Variants in ACVR2A observed in about 807,000 individuals in gnomAD.
The protein encoded by ACVR2A is activin A receptor type 2A.
ACVR2A carries 7 observed loss-of-function variants against 61.4 expected under a neutral mutation model. The ratio of observed to expected loss-of-function variants is 0.11; its 90% CI spans 0.06 to 0.21. ACVR2A has a LOEUF of 0.21. ACVR2A is among the 10% of genes least tolerant of loss of function. The probability of loss-of-function intolerance (pLI) is 1.00; values close to 1 mark genes in which losing one functional copy is unlikely to be tolerated. For missense variants in ACVR2A, 322 were observed against 621.7 expected, an observed-to-expected ratio of 0.52 and a Z score of 5.13; for synonymous variants, 193 against 208.3, an observed-to-expected ratio of 0.93 and a Z score of 0.63.
chr2:147,929,604 A>G lies in ACVR2A; in HGVS notation c.*2330A>G, dbSNP rs1449470920. ...ACTTTTTATAAGCAGTAAAATAAGAATGTTCCAGTGACTACCTGTCCTTAT... is the reference window on the plus strand; with the variant it reads ...ACTTTTTATAAGCAGTAAAATAAGAGTGTTCCAGTGACTACCTGTCCTTAT... On this transcript the variant is annotated 3_prime_UTR_variant, in exon 11 of 11. Transcript: ENST00000241416. 4 of 152,420 alleles carry G rather than the reference A, an allele frequency of 2.6e-5. No homozygotes were observed. The highest frequency in any genetic ancestry group is 9.7e-5 in the African/African-American group (4 of 41,404). The allele number at this position is 152,420 out of a possible 1,614,324, so 9.4% of individuals were successfully genotyped here.
At chr2:147,894,531 T>G (rs1301573126) in intron 1 of ACVR2A, among the ~76,000 whole-genome samples, 1 of 152,090 alleles carries the variant, frequency 6.6e-6, no homozygotes, top group African/African-American at 2.4e-5. Flanking sequence ...TTGGAAAATA[T>G]TGGTTCTCTG....
At chr2:147,892,743 A>T in intron 1 of ACVR2A, among the ~76,000 whole-genome samples, 1 of 151,818 alleles carries the variant, frequency 6.6e-6, no homozygotes, top group Non-Finnish European at 1.5e-5. Flanking sequence ...TGTTATTTTG[A>T]TTGAAGCATA....
rs1305254747 is a variant in ACVR2A, at chr2:147,914,672, AC to A, written c.529-517del. Among the ~76,000 whole-genome samples the A allele has an allele frequency of 9.2e-5, 14 of 152,096 alleles. No homozygotes were observed. The East Asian group carries it at 2.7e-3, about 29-fold the overall frequency. ...CCTGTATGTGCTTTGTATTTGATAT[AC>A]CTATCTGCAATGTGTTTAAGAATGA... On this transcript the variant is annotated intron_variant, in intron 4 of 10. Coordinates refer to ENST00000241416, the MANE Select transcript of ACVR2A (RefSeq NM_001616.5).
intron 1 of ACVR2A, among the ~76,000 whole-genome samples, chr2:147,893,854 G>A (rs961131805): frequency 6.6e-6 from 1 of 152,086 alleles, no homozygotes; most frequent in Non-Finnish European, 1.5e-5. Context: ...CCTTCAAAGA[G>A]TAGAAGTTTT....
intron 4 of ACVR2A, among the ~76,000 whole-genome samples, chr2:147,907,530 C>T (rs191701308): frequency 5.9e-5 from 9 of 152,268 alleles, no homozygotes; most frequent in Non-Finnish European, 1.0e-4. Flanking sequence ...AATAATCAGC[C>T]ATTCTGACTG....
chr2:147,845,260 G>C, intron 1 of ACVR2A, 53 bp downstream of exon 1: 2 of 1,551,536 alleles, frequency 1.3e-6, no homozygotes, highest in Non-Finnish European at 1.8e-6. Context: ...CGCGGCGGCC[G>C]CTGCTGGGGG....
chr2:147,872,670 GT>G (rs973022288), intron 1 of ACVR2A, among the ~76,000 whole-genome samples: 10 of 149,866 alleles, frequency 6.7e-5, no homozygotes, highest in African/African-American at 1.7e-4. Flanking sequence ...AAATTATGAT[GT>G]TTTTTTTCTT....
intron 1 of ACVR2A, among the ~76,000 whole-genome samples, chr2:147,846,525 G>C (rs760275737): frequency 6.6e-6 from 1 of 152,078 alleles, no homozygotes; most frequent in Non-Finnish European, 1.5e-5. Flanking sequence ...TATGTCTGTA[G>C]TGGTATTGAT....
intron 5 of ACVR2A, 114 bp from the exon 6 acceptor site, chr2:147,917,167 TAA>T: frequency 8.6e-7 from 1 of 1,157,706 alleles, no homozygotes; most frequent in South Asian, 2.1e-5. Flanking sequence ...AAAAATTTTT[TAA>T]GACTTTTTTG....
At chr2:147,859,048 C>T (rs929510639) in intron 1 of ACVR2A, among the ~76,000 whole-genome samples, 7 of 151,898 alleles carry the variant, frequency 4.6e-5, no homozygotes, top group Admixed American at 2.6e-4. Context: ...AAACTTTGTT[C>T]GGGAGCATTT....
At chr2:147,844,591 T>G (rs1573905440), upstream of ACVR2A, 1 of 149,592 alleles carries the variant, frequency 6.7e-6, no homozygotes, top group Admixed American at 6.8e-5. Context: ...GGCCGCCGCC[T>G]GCACCGCCGC....
chr2:147,893,306 G>C (rs1239450530), intron 1 of ACVR2A, among the ~76,000 whole-genome samples: 1 of 152,062 alleles, frequency 6.6e-6, no homozygotes, highest in African/African-American at 2.4e-5. Flanking sequence ...AGTGTTTTTA[G>C]TTTTCAGAGA....
intron 1 of ACVR2A, among the ~76,000 whole-genome samples, chr2:147,879,604 A>G (rs1050981588): frequency 6.6e-6 from 1 of 152,234 alleles, no homozygotes; most frequent in Admixed American, 6.5e-5. Context: ...TTGATGTTCA[A>G]AGAGTGTCCA....
chr2:147,905,867 T>C (rs1230532513), intron 4 of ACVR2A, among the ~76,000 whole-genome samples: 1 of 152,152 alleles, frequency 6.6e-6, no homozygotes, highest in Non-Finnish European at 1.5e-5. Context: ...GGGGAGAAAG[T>C]AGAAAATTTA....
chr2:147,928,961 GA>G lies in ACVR2A; in HGVS notation c.*1689del, dbSNP rs1201992007. 6.6e-6 allele frequency: 1 copy of G among 152,398 alleles called. No homozygotes were observed. The highest frequency in any genetic ancestry group is 6.6e-5 in the Admixed American group (1 of 15,206). 9.4% of individuals were successfully genotyped at this position (152,398 alleles called of 1,614,324 possible). The stretch of plus-strand genomic sequence containing the variant: ...CATGTCACTGTCAGGAGCTCACTGT[GA>G]ATGTGTTGTCTTCAAATGGTTATTT... On this transcript the variant is annotated 3_prime_UTR_variant, in exon 11 of 11. Transcript: ENST00000241416.
chr2:147,908,168 C>T (rs1296199673), intron 4 of ACVR2A, among the ~76,000 whole-genome samples: 2 of 151,904 alleles, frequency 1.3e-5, no homozygotes, highest in Non-Finnish European at 2.9e-5. Context: ...ATTTTACCAT[C>T]TCACAATTTA....
intron 1 of ACVR2A, among the ~76,000 whole-genome samples, chr2:147,858,656 AT>A (rs1685649345): frequency 6.6e-6 from 1 of 152,190 alleles, no homozygotes; most frequent in African/African-American, 2.4e-5. Context: ...ATATTTATCA[AT>A]GAATGTTGAA....
intron 9 of ACVR2A, among the ~76,000 whole-genome samples, chr2:147,923,617 T>C (rs1687436812): frequency 6.6e-6 from 1 of 152,120 alleles, no homozygotes; most frequent in African/African-American, 2.4e-5. Context: ...TATTTATTTT[T>C]CTGGGTAAAT....
In ACVR2A at chr2:147,859,391, G is replaced by A. The variant is rs926719061; in HGVS notation, c.55+14184G>A. 4.6e-5 allele frequency among the ~76,000 whole-genome samples: 7 copies of A among 151,838 alleles called. No individual in the cohort carries two copies. In the South Asian group the frequency reaches 8.3e-4, roughly 18 times the overall value. ...GTGATTAGAGAGGAGGGCATGGGAGGAGAAAGGTGGAGAGAAGAGTGCAAA... is the reference window on the plus strand; with the variant it reads ...GTGATTAGAGAGGAGGGCATGGGAGAAGAAAGGTGGAGAGAAGAGTGCAAA... On this transcript the variant is annotated intron_variant, in intron 1 of 10. Transcript: ENST00000241416.
Sources: allele counts gnomAD v4.1 joint callset (sites outside exome capture counted in the v4.1 genomes callset), GRCh38; gene constraint gnomAD v4.1.1; transcripts MANE v1.5; gene names NCBI Gene and HGNC (gene_info 2026-07-23, HGNC 2026-07-21).